The following NELL1 variants were observed in gnomAD, a reference collection of about 807,000 sequenced individuals.
NELL1 encodes the protein neural EGFL like 1, also known as protein kinase C-binding protein NELL1.
NELL1 carries 76 observed loss-of-function variants against 107.4 expected under a neutral mutation model. The ratio of observed to expected loss-of-function variants is 0.71; its 90% CI spans 0.59 to 0.86. The LOEUF (loss-of-function observed/expected upper bound fraction) is 0.86, where lower values mean the gene tolerates loss of function less well. NELL1 is among the 40% of genes least tolerant of loss of function. The pLI is 0.00. For synonymous variants in NELL1, 353 were observed against 341.2 expected (o/e 1.03, Z -0.38); for missense variants, 1,024 against 1,005.5 (o/e 1.02, Z -0.25).
At chr11:21,034,414 G>T (rs1028277064) in intron 12 of NELL1, among the ~76,000 whole-genome samples, 4 of 152,146 alleles carry the variant, frequency 2.6e-5, no homozygotes, top group African/African-American at 9.7e-5. Flanking sequence ...ATCAACCACA[G>T]AACTCTCTAC....
intron 3 of NELL1, among the ~76,000 whole-genome samples, chr11:20,846,451 C>T (rs1216780870): frequency 2.6e-5 from 4 of 152,244 alleles, no homozygotes; most frequent in African/African-American, 9.6e-5. Context: ...AAGCAGCAGG[C>T]CCTTCCAAAT....
intron 15 of NELL1, among the ~76,000 whole-genome samples, chr11:21,524,316 G>C (rs959213474): frequency 6.6e-6 from 1 of 152,134 alleles, no homozygotes; most frequent in Non-Finnish European, 1.5e-5. Context: ...TAAAGCACTT[G>C]TCAGAGAACC....
In NELL1 at chr11:21,251,498, C is replaced by A. The variant is rs143357021; in HGVS notation, c.1549+22044C>A. Among the ~76,000 whole-genome samples the A allele has an allele frequency of 3.1e-3, 477 of 152,088 alleles. 1 individual carries two copies. Among genetic ancestry groups the A allele is most frequent in the African/African-American group, 8.1e-3 (336 of 41,488 alleles). On this transcript the variant is annotated intron_variant, in intron 14 of 19. Transcript: ENST00000357134. ...AAATATAATCACATGAAGTTAGAGACAATTTAGTTCCAGTAACATACTACA... is the reference window on the plus strand; with the variant it reads ...AAATATAATCACATGAAGTTAGAGAAAATTTAGTTCCAGTAACATACTACA...
intron 2 of NELL1, among the ~76,000 whole-genome samples, chr11:20,738,544 T>C (rs547128998): frequency 2.0e-4 from 31 of 152,274 alleles, no homozygotes; most frequent in African/African-American, 7.5e-4. Context: ...GTTAGAAAAT[T>C]TGATGTTTTC....
intron 3 of NELL1, among the ~76,000 whole-genome samples, chr11:20,834,546 C>A (rs1848494125): frequency 6.6e-6 from 1 of 151,574 alleles, no homozygotes; most frequent in Non-Finnish European, 1.5e-5. Context: ...ACTAAACATA[C>A]AAAAAAATTA....
At chr11:21,138,488 A>T (rs1013131418) in intron 13 of NELL1, among the ~76,000 whole-genome samples, 2 of 152,184 alleles carry the variant, frequency 1.3e-5, no homozygotes, top group Non-Finnish European at 2.9e-5. Flanking sequence ...GTTTGTTTTG[A>T]CCTAAATATT....
At chr11:21,496,555 G>A (rs558838445) in intron 15 of NELL1, among the ~76,000 whole-genome samples, 13 of 151,588 alleles carry the variant, frequency 8.6e-5, no homozygotes, top group African/African-American at 2.7e-4. Context: ...GACTACAGGC[G>A]CGTGCCACCA....
At chr11:20,788,678 T>C (rs140839694) in intron 3 of NELL1, among the ~76,000 whole-genome samples, 2,676 of 152,268 alleles carry the variant, frequency 0.018, 29 homozygotes, top group South Asian at 0.032. Context: ...AGCACAAAGG[T>C]TTTAAAATTT....
intron 15 of NELL1, among the ~76,000 whole-genome samples, chr11:21,460,332 G>A (rs1853869132): frequency 6.6e-6 from 1 of 152,082 alleles, no homozygotes; most frequent in Non-Finnish European, 1.5e-5. Context: ...CCCTGGGACA[G>A]AGCTAACTAA....
intron 7 of NELL1, among the ~76,000 whole-genome samples, chr11:20,921,235 C>T (rs974387055): frequency 6.6e-6 from 1 of 152,092 alleles, no homozygotes; most frequent in Non-Finnish European, 1.5e-5. Context: ...GGTCCACTGG[C>T]CTTAGTTTGT....
intron 11 of NELL1, among the ~76,000 whole-genome samples, chr11:20,950,829 G>C (rs181928681): frequency 4.6e-5 from 7 of 152,324 alleles, no homozygotes; most frequent in Admixed American, 4.6e-4. Flanking sequence ...GTATGCTATA[G>C]CTGTACTGCT....
At chr11:20,923,076 C>A (rs1486168506) in intron 7 of NELL1, among the ~76,000 whole-genome samples, 8 of 152,132 alleles carry the variant, frequency 5.3e-5, no homozygotes, top group African/African-American at 1.9e-4. Context: ...CTGTGCATTG[C>A]TGTCAAGACC....
At chr11:21,538,132 G>A (rs1468889992) in intron 16 of NELL1, among the ~76,000 whole-genome samples, 1 of 152,032 alleles carries the variant, frequency 6.6e-6, no homozygotes, top group East Asian at 1.9e-4. Flanking sequence ...TTTTTTAAAA[G>A]TGGTTTGTAG....
At chr11:20,932,114 G>T (rs1850630958) in intron 9 of NELL1, among the ~76,000 whole-genome samples, 1 of 152,108 alleles carries the variant, frequency 6.6e-6, no homozygotes, top group Admixed American at 6.5e-5. Context: ...TCAAACACTT[G>T]TTGGGTGTCT....
chr11:21,223,573 T>A (rs1311321566), intron 13 of NELL1, among the ~76,000 whole-genome samples: 5 of 152,212 alleles, frequency 3.3e-5, no homozygotes, highest in African/African-American at 1.2e-4. Flanking sequence ...GAGGTTTATA[T>A]TGATAGATGA....
rs370871034 is a variant in NELL1, at chr11:20,965,540, G to C, written c.1300+4980G>C. Among the ~76,000 whole-genome samples, 4 of 152,260 alleles carry C rather than the reference G, an allele frequency of 2.6e-5. No homozygotes were observed. In the East Asian group the frequency reaches 7.7e-4, roughly 29 times the overall value. ...CCAGGTGCATATTGTTAGCAGTGGG[G>C]CACTAAGCCTAATAATGTATAGGTG... On this transcript the variant is annotated intron_variant, in intron 12 of 19. Transcript: ENST00000357134.
Position 21,370,844 on chromosome 11 carries a change from T to C in NELL1, c.1550-9T>C, listed in dbSNP as rs1851342599. On this transcript the variant is annotated splice_polypyrimidine_tract_variant and intron_variant, in intron 14 of 19. Coordinates refer to ENST00000357134, the MANE Select transcript of NELL1 (RefSeq NM_006157.5). ...TATCTAAGATAAATACTTTGTTCTC[T>C]TGCAACAGCTTTCTGTGAAGAGGGC... The C allele has an allele frequency of 6.2e-7, 1 of 1,608,862 alleles. No homozygotes were observed. Among genetic ancestry groups the C allele is most frequent in the African/African-American group, 1.3e-5 (1 of 74,758 alleles).
intron 14 of NELL1, chr11:21,284,641 C>T: frequency 2.5e-6 from 1 of 406,080 alleles, no homozygotes. Flanking sequence ...AGTGTCTGCA[C>T]AGGTTTGATT....
chr11:20,688,092 T>A (rs1007420518), intron 2 of NELL1, among the ~76,000 whole-genome samples: 1 of 152,134 alleles, frequency 6.6e-6, no homozygotes, highest in African/African-American at 2.4e-5. Flanking sequence ...TTATTTAGTA[T>A]ACTTTTAGTA....
Sources: allele counts gnomAD v4.1 joint callset (sites outside exome capture counted in the v4.1 genomes callset), GRCh38; gene constraint gnomAD v4.1.1; transcripts MANE v1.5; gene names NCBI Gene and HGNC (gene_info 2026-07-23, HGNC 2026-07-21).